SUFU: variants seen among roughly 807,000 people sequenced by gnomAD.
SUFU encodes suppressor of fused homolog.
A neutral mutation model predicts 58.9 loss-of-function variants in SUFU; 7 were observed. The ratio of observed to expected loss-of-function variants is 0.12; its 90% CI spans 0.07 to 0.22. The LOEUF is 0.22. Ranked by LOEUF, SUFU falls within the 10% of genes least tolerant of loss-of-function variation. SUFU has a pLI of 1.00. For synonymous variants in SUFU, 232 were observed against 254.8 expected, an observed-to-expected ratio of 0.91 and a Z score of 0.85; for missense variants, 451 against 641.3, an observed-to-expected ratio of 0.70 and a Z score of 3.20.
intron 3 of SUFU, among the ~76,000 whole-genome samples, chr10:102,570,308 C>T (rs1369251279): frequency 6.6e-6 from 1 of 152,002 alleles, no homozygotes; most frequent in Non-Finnish European, 1.5e-5. Context: ...GTGGTGCAAT[C>T]TCGGCTCACT....
At chr10:102,524,149 C>T (rs2062581382) in intron 2 of SUFU, among the ~76,000 whole-genome samples, 3 of 152,174 alleles carry the variant, frequency 2.0e-5, no homozygotes, top group Admixed American at 1.3e-4. Context: ...ATCCCCCTTT[C>T]CTGCCTAATT....
At chr10:102,521,476 G>A (rs1416513523) in intron 2 of SUFU, among the ~76,000 whole-genome samples, 1 of 152,118 alleles carries the variant, frequency 6.6e-6, no homozygotes, top group African/African-American at 2.4e-5. Context: ...TTCCTAAGTT[G>A]CTGTTGGTTT....
intron 2 of SUFU, among the ~76,000 whole-genome samples, chr10:102,522,558 G>A (rs2062562736): frequency 6.6e-6 from 1 of 152,154 alleles, no homozygotes. Flanking sequence ...AATGCCTAGA[G>A]CTCCTTTTCA....
At chr10:102,574,594 C>T (rs1374299935) in intron 3 of SUFU, among the ~76,000 whole-genome samples, 1 of 152,096 alleles carries the variant, frequency 6.6e-6, no homozygotes, top group African/African-American at 2.4e-5. Flanking sequence ...GCCTGAGTGA[C>T]ACAGTGAGAC....
chr10:102,627,683 C>T (rs1382159808), intron 11 of SUFU, among the ~76,000 whole-genome samples: 7 of 152,204 alleles, frequency 4.6e-5, no homozygotes, highest in South Asian at 2.1e-4. Flanking sequence ...CTCCTGCTCT[C>T]GCCTCGGGCC....
intron 3 of SUFU, among the ~76,000 whole-genome samples, chr10:102,577,951 G>T (rs2063231113): frequency 6.7e-6 from 1 of 149,690 alleles, no homozygotes. Context: ...AAAGTGCTGG[G>T]ATTACAGGCG....
At chr10:102,527,566 A>G (rs958315250) in intron 2 of SUFU, among the ~76,000 whole-genome samples, 1 of 152,058 alleles carries the variant, frequency 6.6e-6, no homozygotes, top group Non-Finnish European at 1.5e-5. Context: ...ATTTGAATCT[A>G]CTTTGATAGT....
At chr10:102,518,924 G>T (rs929697377) in intron 2 of SUFU, among the ~76,000 whole-genome samples, 9 of 151,276 alleles carry the variant, frequency 5.9e-5, no homozygotes, top group Admixed American at 2.0e-4. Flanking sequence ...CGGATCATGA[G>T]GTCAGGAGAT....
chr10:102,581,203 A>G (rs1348874146), intron 3 of SUFU, among the ~76,000 whole-genome samples: 1 of 90,590 alleles, frequency 1.1e-5, no homozygotes, highest in Non-Finnish European at 2.2e-5. Context: ...AAAAAAAAAA[A>G]AAAAAAAAGA....
At chr10:102,508,558 C>A (rs1427887148) in intron 1 of SUFU, among the ~76,000 whole-genome samples, 1 of 152,188 alleles carries the variant, frequency 6.6e-6, no homozygotes, top group East Asian at 1.9e-4. Flanking sequence ...CTAAGTTTGG[C>A]CTTTGTCACT....
At chr10:102,523,609 C>T (rs900176340) in intron 2 of SUFU, among the ~76,000 whole-genome samples, 3 of 152,360 alleles carry the variant, frequency 2.0e-5, no homozygotes, top group East Asian at 3.9e-4. Flanking sequence ...TCTTCCTGTT[C>T]TAGCTTTTCC....
intron 3 of SUFU, among the ~76,000 whole-genome samples, chr10:102,578,257 A>C (rs12767100): frequency 0.53 from 79,798 of 150,706 alleles, 21,574 homozygotes; most frequent in Middle Eastern, 0.63. Flanking sequence ...GTCTCAAAAA[A>C]AAAAACAAAA....
At chr10:102,516,534 G>C (rs953690318) in intron 2 of SUFU, among the ~76,000 whole-genome samples, 2 of 151,932 alleles carry the variant, frequency 1.3e-5, no homozygotes, top group African/African-American at 4.8e-5. Context: ...AACTTGTCCA[G>C]CTGGCCCAGT....
chr10:102,546,960 C>G (rs569112556), intron 2 of SUFU, among the ~76,000 whole-genome samples: 1 of 152,378 alleles, frequency 6.6e-6, no homozygotes, highest in East Asian at 1.9e-4. Context: ...GGCGCGTGTG[C>G]ACGGACCCTC....
intron 3 of SUFU, among the ~76,000 whole-genome samples, chr10:102,586,469 C>T (rs909627181): frequency 2.6e-5 from 4 of 151,754 alleles, no homozygotes; most frequent in Non-Finnish European, 5.9e-5. Context: ...GTCAGGAGAT[C>T]GAGACCATCC....
At chr10:102,548,017 C>T (rs1002921242) in intron 2 of SUFU, among the ~76,000 whole-genome samples, 2 of 151,828 alleles carry the variant, frequency 1.3e-5, no homozygotes, top group African/African-American at 4.8e-5. Flanking sequence ...TAGCCAGGTG[C>T]TAGGTGCCAT....
intron 8 of SUFU, among the ~76,000 whole-genome samples, chr10:102,602,023 G>C (rs1452418717): frequency 6.6e-6 from 1 of 152,238 alleles, no homozygotes; most frequent in Admixed American, 6.5e-5. Flanking sequence ...GGCAATAGCA[G>C]CCGGGTGCCG....
chr10:102,550,691 G>A (rs1007176836), intron 3 of SUFU, among the ~76,000 whole-genome samples: 2 of 151,548 alleles, frequency 1.3e-5, no homozygotes, highest in African/African-American at 4.9e-5. Flanking sequence ...GCTTCTGGTA[G>A]AGACTAAATT....
At position 102,628,006 on chromosome 10, in the gene SUFU, G is replaced by T. The variant is rs2063801890; in HGVS notation, c.1365+763G>T. Among the ~76,000 whole-genome samples, 1 of 152,210 alleles carries T rather than the reference G, an allele frequency of 6.6e-6. No homozygotes were observed. Among genetic ancestry groups the T allele is most frequent in the Non-Finnish European group, 1.5e-5 (1 of 68,022 alleles). ...GTGCCCCATGGGTTAGTGAACTCTA[G>T]CAGGCTGGCCGGGCCTCTGGAGAGC... On this transcript the variant is annotated intron_variant, in intron 11 of 11. Coordinates refer to ENST00000369902, the MANE Select transcript of SUFU (RefSeq NM_016169.4). The surrounding 1 kb of genome is among the most constrained non-coding windows in gnomAD (Gnocchi z 4.5).
Sources: allele counts gnomAD v4.1 joint callset (sites outside exome capture counted in the v4.1 genomes callset), GRCh38; gene constraint gnomAD v4.1.1; non-coding constraint Gnocchi (gnomAD v3.1); transcripts MANE v1.5; gene names NCBI Gene and HGNC (gene_info 2026-07-23, HGNC 2026-07-21).